Variants in CAPN11 observed in about 807,000 individuals in gnomAD.
CAPN11 encodes calpain-11.
A neutral mutation model predicts 105.3 loss-of-function variants in CAPN11; 108 were observed. That is an observed-to-expected ratio of 1.03 (90% CI 0.88 to 1.20). The LOEUF is 1.20. Among genes scored for constraint, CAPN11 ranks in the 50% most tolerant of loss-of-function variants. The pLI, the probability that CAPN11 is intolerant of heterozygous loss-of-function variation, is 0.00. For missense variants in CAPN11, 883 were observed against 924.8 expected, an observed-to-expected ratio of 0.95 and a Z score of 0.59; for synonymous variants, 329 against 344.5, an observed-to-expected ratio of 0.96 and a Z score of 0.50.
Position 44,166,742 on chromosome 6 carries a change from C to G in CAPN11, c.17-16C>G, listed in dbSNP as rs1312900599. 1.3e-6 allele frequency: 2 copies of G among 1,548,084 alleles called. No individual in the cohort carries two copies. Among genetic ancestry groups the G allele is most frequent in the South Asian group, 2.4e-5 (2 of 83,986 alleles). ...CCACAGCCTTCCTCCCCTCCTCCCACTCTTTCTTATTCTAGGGCCGAGTCT... is the reference window on the plus strand; with the variant it reads ...CCACAGCCTTCCTCCCCTCCTCCCAGTCTTTCTTATTCTAGGGCCGAGTCT... On this transcript the variant is annotated splice_polypyrimidine_tract_variant and intron_variant, in intron 1 of 22. Coordinates refer to ENST00000398776, the MANE Select transcript of CAPN11 (RefSeq NM_007058.4).
chr6:44,162,933 A>G (rs1163466190), intron 1 of CAPN11, among the ~76,000 whole-genome samples: 3 of 152,170 alleles, frequency 2.0e-5, no homozygotes, highest in African/African-American at 7.2e-5. Flanking sequence ...CATGACTCCA[A>G]TATTGGAGTA....
chr6:44,177,434 T>C lies in CAPN11; in HGVS notation c.1416+14T>C, dbSNP rs1175737639. The C allele has an allele frequency of 1.3e-6, 2 of 1,596,232 alleles. No individual in the cohort carries two copies. Among genetic ancestry groups the C allele is most frequent in the South Asian group, 2.2e-5 (2 of 90,274 alleles). The stretch of plus-strand genomic sequence containing the variant: ...GTCCTCTACGCGGTGGGTGCCTGGC[T>C]GGTCTCGCCCGCCACTCACTCTCCC... On this transcript the variant is annotated intron_variant, in intron 12 of 22. Transcript: ENST00000398776.
Position 44,165,410 on chromosome 6 carries a change from G to A in CAPN11, c.17-1348G>A, listed in dbSNP as rs79347034. On this transcript the variant is annotated intron_variant, in intron 1 of 22. Coordinates refer to ENST00000398776, the MANE Select transcript of CAPN11 (RefSeq NM_007058.4). Reference sequence around the variant, plus strand: ...CCAAGGCATGGGGAGATAAAGTGATGTTTTGGGAGGCCTCCCTGTGAGGGG... The same window carrying A: ...CCAAGGCATGGGGAGATAAAGTGATATTTTGGGAGGCCTCCCTGTGAGGGG... Among the ~76,000 whole-genome samples, 383 of 152,366 alleles carry A rather than the reference G, an allele frequency of 2.5e-3. 1 individual carries two copies. The highest frequency in any genetic ancestry group is 4.1e-3 in the Non-Finnish European group (277 of 68,026).
rs112041420 is a variant in CAPN11 at position 44,170,257 on chromosome 6, TA to T, written c.409+292del. Among the ~76,000 whole-genome samples the T allele has an allele frequency of 8.6e-3, 1,297 of 151,252 alleles. 12 individuals carry two copies. Among genetic ancestry groups the T allele is most frequent in the South Asian group, 0.025 (118 of 4,772 alleles). On this transcript the variant is annotated intron_variant, in intron 4 of 22. Coordinates refer to ENST00000398776, the MANE Select transcript of CAPN11 (RefSeq NM_007058.4). ...ATAAATTACCTAGGACTTAGCAACT[TA>T]AAAAAAAAATTTCTTATCTCACGGT...
chr6:44,168,840 C>T (rs569274301), intron 2 of CAPN11: 7 of 345,858 alleles, frequency 2.0e-5, no homozygotes, highest in Admixed American at 1.4e-4. Context: ...AGGCTGGTCT[C>T]GAACTCCTGA....
intron 7 of CAPN11, among the ~76,000 whole-genome samples, chr6:44,173,995 G>C (rs4714764): frequency 0.61 from 93,037 of 151,826 alleles, 28,791 homozygotes; most frequent in Non-Finnish European, 0.66. Context: ...CCAGATAGTA[G>C]TCACATTCCA....
intron 7 of CAPN11, among the ~76,000 whole-genome samples, chr6:44,173,806 A>T (rs1771464292): frequency 6.6e-6 from 1 of 150,560 alleles, no homozygotes; most frequent in Admixed American, 6.6e-5. Context: ...CTGGTCTCGA[A>T]CTCCTGACCT....
At chr6:44,178,844 G>A (rs112229976) in intron 12 of CAPN11, among the ~76,000 whole-genome samples, 5,963 of 151,660 alleles carry the variant, frequency 0.039, 255 homozygotes, top group African/African-American at 0.12. Context: ...GATCACTTGA[G>A]CTCAGGAGGT....
chr6:44,179,089 T>G (rs914110274), intron 12 of CAPN11, among the ~76,000 whole-genome samples: 2 of 152,122 alleles, frequency 1.3e-5, no homozygotes, highest in African/African-American at 4.8e-5. Flanking sequence ...GATCCTCAAT[T>G]TTAGTAATCT....
chr6:44,177,661 AT>A, intron 12 of CAPN11: 1 of 473,244 alleles, frequency 2.1e-6, no homozygotes, highest in Non-Finnish European at 3.8e-6. Flanking sequence ...TAATTTTTGT[AT>A]TTTTAGTAGA....
intron 10 of CAPN11, 24 bp from the exon 11 acceptor site, chr6:44,176,814 G>C: frequency 6.2e-7 from 1 of 1,612,690 alleles, no homozygotes; most frequent in Non-Finnish European, 8.5e-7. Flanking sequence ...GCTGCTGACG[G>C]GCTCCACCCC....
chr6:44,180,119 T>C lies in CAPN11; in HGVS notation c.1596T>C (p.Ala532=). ...IPSTFEPHRD[A]DFLLRVFTEK... Reference sequence around the variant, plus strand: ...CCACCTTTGAGCCACACAGAGATGCTGACTTCCTGCTTCGGGTCTTCACCG... The same window carrying C: ...CCACCTTTGAGCCACACAGAGATGCCGACTTCCTGCTTCGGGTCTTCACCG... Residue 532 remains alanine (A), a synonymous_variant, in exon 14 of 23, where the codon GCT becomes GCC. Transcript: ENST00000398776. 1 of 1,613,522 alleles carries C rather than the reference T, an allele frequency of 6.2e-7. No individual in the cohort carries two copies. The highest frequency in any genetic ancestry group is 8.5e-7 in the Non-Finnish European group (1 of 1,179,772).
Position 44,176,357 on chromosome 6 carries a change from G to A in CAPN11, c.1001+19G>A, listed in dbSNP as rs1450175414. 1 of 1,604,818 alleles carries A rather than the reference G, an allele frequency of 6.2e-7. No homozygotes were observed. The highest frequency in any genetic ancestry group is 8.5e-7 in the Non-Finnish European group (1 of 1,171,876). On this transcript the variant is annotated intron_variant, in intron 9 of 22. Coordinates refer to ENST00000398776, the MANE Select transcript of CAPN11 (RefSeq NM_007058.4). ...GTGACAGGTAGGTGTCCCCAACCCA[G>A]GTGAGGGGTGGTCGGAGGATACAGC...
At position 44,178,213 on chromosome 6, in the gene CAPN11, C is replaced by T. The variant is rs537315596; in HGVS notation, c.1416+793C>T. On this transcript the variant is annotated intron_variant, in intron 12 of 22. Coordinates refer to ENST00000398776, the MANE Select transcript of CAPN11 (RefSeq NM_007058.4). ...CCTTTAAGGAAGCGGAAGGAGCCTG[C>T]GGGCCAGAGACATGAAGTCACTTGC... Among the ~76,000 whole-genome samples, 95 of 152,198 alleles carry T rather than the reference C, an allele frequency of 6.2e-4. 2 individuals carry two copies. In the South Asian group the frequency reaches 0.017, roughly 28 times the overall value.
chr6:44,172,868 A>T (rs926822044), intron 5 of CAPN11, 72 bp from the exon 6 acceptor site: 180 of 1,526,368 alleles, frequency 1.2e-4, no homozygotes, highest in Middle Eastern at 3.5e-4. Context: ...CTGGCGTGTC[A>T]TCAGGTCTGG....
intron 2 of CAPN11, among the ~76,000 whole-genome samples, chr6:44,167,498 A>C (rs1770137190): frequency 1.2e-5 from 1 of 82,150 alleles, no homozygotes; most frequent in Admixed American, 1.1e-4. Flanking sequence ...ACTCCATCTC[A>C]AAAAAAAAAA....
chr6:44,179,786 G>A, intron 13 of CAPN11, 156 bp downstream of exon 13: 1 of 939,768 alleles, frequency 1.1e-6, no homozygotes, highest in South Asian at 1.4e-5. Context: ...GGTCGGGAAA[G>A]GAAGAGACCC....
intron 4 of CAPN11, among the ~76,000 whole-genome samples, chr6:44,170,841 G>A (rs961499547): frequency 2.6e-5 from 4 of 151,824 alleles, no homozygotes; most frequent in African/African-American, 9.7e-5. Context: ...AAAGCCCCAG[G>A]GTAGATCTTT....
At chr6:44,166,522 GGGA>G (rs1769885382) in intron 1 of CAPN11, among the ~76,000 whole-genome samples, 1 of 152,156 alleles carries the variant, frequency 6.6e-6, no homozygotes, top group African/African-American at 2.4e-5. Flanking sequence ...TGTCACTCAG[GGGA>G]GGAGGACTAA....
Sources: gnomAD v4.1 joint callset for allele counts (sites outside exome capture counted in the v4.1 genomes callset) on GRCh38, gnomAD v4.1.1 for gene constraint, MANE v1.5 for transcripts, NCBI Gene and HGNC (gene_info 2026-07-23, HGNC 2026-07-21) for gene names.